Variants in SLC23A2 observed in about 807,000 individuals in gnomAD.
The protein encoded by SLC23A2 is solute carrier family 23 member 2.
SLC23A2 carries 36 observed loss-of-function variants against 73.3 expected under a neutral mutation model. The observed-to-expected ratio is 0.49, with a 90% CI of 0.38 to 0.65. SLC23A2 has a LOEUF of 0.65. Among genes scored for constraint, SLC23A2 ranks in the 30% least tolerant of loss-of-function variants. The pLI is 0.00. For missense variants in SLC23A2, 507 were observed against 841.6 expected (o/e 0.60, Z 4.92); for synonymous variants, 343 against 327.3 (o/e 1.05, Z -0.52).
intron 2 of SLC23A2, among the ~76,000 whole-genome samples, chr20:4,958,935 G>T (rs1374715361): frequency 6.6e-6 from 1 of 152,092 alleles, no homozygotes; most frequent in Non-Finnish European, 1.5e-5. Context: ...AAAGGGCCAG[G>T]TGTGGTGGCT....
At chr20:4,867,974 A>G in intron 12 of SLC23A2, 99 bp from the exon 13 acceptor site, 1 of 675,858 alleles carries the variant, frequency 1.5e-6, no homozygotes, top group South Asian at 1.7e-5. Context: ...AATGTGGTCC[A>G]GAGCCTGCAG....
chr20:4,922,140 C>A (rs1242304937), intron 3 of SLC23A2, among the ~76,000 whole-genome samples: 1 of 152,126 alleles, frequency 6.6e-6, no homozygotes, highest in Middle Eastern at 3.2e-3. Flanking sequence ...AAGAAGCCTG[C>A]CTACCTAGCT....
intron 3 of SLC23A2, among the ~76,000 whole-genome samples, chr20:4,925,307 T>G (rs905570057): frequency 6.6e-6 from 1 of 152,192 alleles, no homozygotes; most frequent in Admixed American, 6.5e-5. Flanking sequence ...AATGAATGGC[T>G]TGCAGGTCCT....
chr20:4,939,616 TC>T (rs2087011031), intron 2 of SLC23A2, among the ~76,000 whole-genome samples: 1 of 152,162 alleles, frequency 6.6e-6, no homozygotes, highest in African/African-American at 2.4e-5. Context: ...TCTGTTAAGG[TC>T]CCTGCTAAAA....
intron 2 of SLC23A2, among the ~76,000 whole-genome samples, chr20:4,963,783 G>C (rs1443794981): frequency 6.6e-6 from 1 of 152,150 alleles, no homozygotes; most frequent in Non-Finnish European, 1.5e-5. Flanking sequence ...AGAAGGCGGA[G>C]GTTGCAGTGA....
chr20:4,968,161 G>T (rs1312835632), intron 2 of SLC23A2, among the ~76,000 whole-genome samples: 1 of 152,152 alleles, frequency 6.6e-6, no homozygotes, highest in African/African-American at 2.4e-5. Context: ...CATAGAGCTG[G>T]GCAGGAGAGC....
At chr20:4,982,489 T>C (rs1331636946) in intron 1 of SLC23A2, among the ~76,000 whole-genome samples, 1 of 152,172 alleles carries the variant, frequency 6.6e-6, no homozygotes, top group African/African-American at 2.4e-5. Flanking sequence ...CCCATCTGCC[T>C]TTTTGGCAAA....
intron 2 of SLC23A2, among the ~76,000 whole-genome samples, chr20:4,934,289 A>C (rs538238199): frequency 6.6e-6 from 1 of 152,148 alleles, no homozygotes; most frequent in Non-Finnish European, 1.5e-5. Flanking sequence ...ACTCGGGGAG[A>C]GCTATTAACA....
intron 2 of SLC23A2, among the ~76,000 whole-genome samples, chr20:4,941,821 T>C (rs372982448): frequency 1.3e-5 from 2 of 152,152 alleles, no homozygotes; most frequent in East Asian, 1.9e-4. Flanking sequence ...AAAAAAGTTA[T>C]TTCATAAGTG....
At chr20:4,866,622 C>T (rs1013017160) in intron 13 of SLC23A2, among the ~76,000 whole-genome samples, 2 of 152,258 alleles carry the variant, frequency 1.3e-5, no homozygotes, top group East Asian at 1.9e-4. Flanking sequence ...TGAGCTCTGG[C>T]AGGGCCCTGC....
chr20:4,957,612 C>A (rs1600172285), intron 2 of SLC23A2, among the ~76,000 whole-genome samples: 2 of 148,086 alleles, frequency 1.4e-5, no homozygotes, highest in East Asian at 3.9e-4. Context: ...AGAAAAAAAA[C>A]CCAACAGGCT....
chr20:4,940,259 G>A (rs1261956350), intron 2 of SLC23A2, among the ~76,000 whole-genome samples: 2 of 152,078 alleles, frequency 1.3e-5, no homozygotes, highest in African/African-American at 4.8e-5. Flanking sequence ...AGTTTGCAGT[G>A]AGCCAAGATC....
intron 4 of SLC23A2, among the ~76,000 whole-genome samples, chr20:4,904,138 A>T (rs1370952942): frequency 6.6e-6 from 1 of 152,166 alleles, no homozygotes; most frequent in African/African-American, 2.4e-5. Flanking sequence ...TAGTTTATAC[A>T]TATTTTTTTA....
chr20:4,873,285 C>T (rs56848176), intron 11 of SLC23A2, among the ~76,000 whole-genome samples: 10,055 of 152,126 alleles, frequency 0.066, 753 homozygotes, highest in African/African-American at 0.18. Flanking sequence ...AAAACCCAGA[C>T]GCCGGGACTA....
Position 4,902,596 on chromosome 20 carries a change from C to A in SLC23A2, c.208-38G>T, listed in dbSNP as rs760210809. 19 of 1,220,656 alleles carry A rather than the reference C, an allele frequency of 1.6e-5. No homozygotes were observed. The highest frequency in any genetic ancestry group is 2.3e-5 in the Non-Finnish European group (19 of 836,156). The allele number at this position is 1,220,656 out of a possible 1,614,324, so 75.6% of individuals were successfully genotyped here. A position where few individuals can be genotyped will look rare whatever the true frequency, so the allele number is the denominator to read the frequency against. ...AGGAGAAAAGAAGGTGCTCATTAAACGTGAAGACCAGTGTTAGCTCGGCCA... is the reference window on the plus strand; with the variant it reads ...AGGAGAAAAGAAGGTGCTCATTAAAAGTGAAGACCAGTGTTAGCTCGGCCA... On this transcript the variant is annotated intron_variant, in intron 4 of 16. Transcript: ENST00000338244. This position sits in a 1 kb window ranked among gnomAD's most constrained non-coding sequence, Gnocchi z 4.0.
At chr20:4,992,672 G>C (rs2087947300) in intron 1 of SLC23A2, among the ~76,000 whole-genome samples, 1 of 151,618 alleles carries the variant, frequency 6.6e-6, no homozygotes, top group African/African-American at 2.4e-5. Context: ...TACCATGCCG[G>C]GCTAATTTTG....
At chr20:4,910,437 T>C (rs911191363) in intron 4 of SLC23A2, among the ~76,000 whole-genome samples, 1 of 151,864 alleles carries the variant, frequency 6.6e-6, no homozygotes, top group African/African-American at 2.4e-5. Flanking sequence ...ATTTTATTTA[T>C]TTACTTTTTT....
chr20:4,879,836 T>G (rs1429786471), intron 9 of SLC23A2, among the ~76,000 whole-genome samples: 1 of 152,232 alleles, frequency 6.6e-6, no homozygotes, highest in Non-Finnish European at 1.5e-5. Context: ...AACAACATTC[T>G]AAGGAATAGT....
intron 11 of SLC23A2, among the ~76,000 whole-genome samples, chr20:4,870,375 G>A (rs1454631820): frequency 6.6e-6 from 1 of 152,070 alleles, no homozygotes; most frequent in Non-Finnish European, 1.5e-5. Flanking sequence ...TCAGGAGTTC[G>A]AGACCAGCCT....
Sources: gnomAD v4.1 joint callset for allele counts (sites outside exome capture counted in the v4.1 genomes callset) on GRCh38, gnomAD v4.1.1 for gene constraint, Gnocchi (gnomAD v3.1) non-coding constraint, MANE v1.5 for transcripts, NCBI Gene and HGNC (gene_info 2026-07-23, HGNC 2026-07-21) for gene names.